Variants in SLC12A4 observed in about 807,000 individuals in gnomAD.
SLC12A4 encodes the protein solute carrier family 12 member 4.
In SLC12A4, 84 loss-of-function variants were observed where a neutral mutation model predicts 119.2. That is an observed-to-expected ratio of 0.70 (90% confidence interval 0.59 to 0.85). The LOEUF is 0.85. Ranked by LOEUF, SLC12A4 falls within the 40% of genes least tolerant of loss-of-function variation. The pLI is 0.00. For missense variants in SLC12A4, 1,298 were observed against 1,476.3 expected (o/e 0.88, Z 1.98); for synonymous variants, 599 against 604.6 (o/e 0.99, Z 0.14).
chr16:67,959,399 C>T (rs926478159), intron 3 of SLC12A4, among the ~76,000 whole-genome samples: 11 of 152,166 alleles, frequency 7.2e-5, no homozygotes, highest in Admixed American at 5.2e-4. Flanking sequence ...AGACAGTGCC[C>T]GTGCTGCCCT....
chr16:67,960,782 C>T (rs2030521301), intron 3 of SLC12A4, among the ~76,000 whole-genome samples: 1 of 151,728 alleles, frequency 6.6e-6, no homozygotes, highest in Non-Finnish European at 1.5e-5. Flanking sequence ...AAAGAGGTAA[C>T]AGTCACCCCA....
chr16:67,945,912 C>T, intron 20 of SLC12A4, 39 bp downstream of exon 20: 2 of 1,613,074 alleles, frequency 1.2e-6, no homozygotes, highest in Non-Finnish European at 1.7e-6. Flanking sequence ...CTGCACGGGA[C>T]ATGGTATCCA....
rs1394758775 is a variant in SLC12A4, at chr16:67,944,089, C to T, written c.*751G>A. Reference sequence around the variant, plus strand: ...AGCGTCACCCACTGCCATGGGGAGCCGGGCGGCCCCATTCCAGCCCTGGTG... The same window carrying T: ...AGCGTCACCCACTGCCATGGGGAGCTGGGCGGCCCCATTCCAGCCCTGGTG... On this transcript the variant is annotated 3_prime_UTR_variant, in exon 24 of 24. Transcript: ENST00000316341. This position sits in a 1 kb window ranked among gnomAD's most constrained non-coding sequence, Gnocchi z 6.6. 110 of 1,547,802 alleles carry T rather than the reference C, an allele frequency of 7.1e-5. No homozygotes were observed. The highest frequency in any genetic ancestry group is 8.8e-5 in the Non-Finnish European group (101 of 1,146,214).
intron 5 of SLC12A4, 40 bp downstream of exon 5, chr16:67,957,702 C>T (rs2030343138): frequency 6.2e-7 from 1 of 1,611,158 alleles, no homozygotes; most frequent in Non-Finnish European, 8.5e-7. Flanking sequence ...GATACTGGGT[C>T]CTTTTCTCTT....
chr16:67,954,510 G>C, intron 6 of SLC12A4, 133 bp downstream of exon 6: 1 of 1,128,662 alleles, frequency 8.9e-7, no homozygotes, highest in Non-Finnish European at 1.3e-6. Context: ...TTTGTCTCTC[G>C]AAGAGGCTTC....
chr16:67,953,427 A>T (rs1251826034), intron 6 of SLC12A4, among the ~76,000 whole-genome samples: 2 of 152,172 alleles, frequency 1.3e-5, no homozygotes, highest in Non-Finnish European at 2.9e-5. Context: ...AAGAGTACCT[A>T]AAAGAAGCCA....
Position 67,950,762 on chromosome 16 carries a change from A to C in SLC12A4, c.1397-51T>G, listed in dbSNP as rs1309436751. 6.4e-7 allele frequency: 1 copy of C among 1,573,280 alleles called. No homozygotes were observed. The highest frequency in any genetic ancestry group is 1.2e-5 in the South Asian group (1 of 86,536). ...GCCTCTGCCACCCCACTGTCCCTGA[A>C]TAGTACCACGTGCCCCCACCCCAGC... On this transcript the variant is annotated intron_variant, in intron 10 of 23. Transcript: ENST00000316341. This position sits in a 1 kb window ranked among gnomAD's most constrained non-coding sequence, Gnocchi z 4.3.
intron 5 of SLC12A4, among the ~76,000 whole-genome samples, chr16:67,956,819 CAA>C (rs1262377506): frequency 8.6e-5 from 12 of 140,126 alleles, no homozygotes; most frequent in African/African-American, 3.3e-4. Flanking sequence ...GAAATACACA[CAA>C]ACACACACAC....
chr16:67,947,842 C>G lies in SLC12A4; in HGVS notation c.1848-54G>C. On this transcript the variant is annotated intron_variant, in intron 14 of 23. Coordinates refer to ENST00000316341, the MANE Select transcript of SLC12A4 (RefSeq NM_005072.5). The stretch of plus-strand genomic sequence containing the variant: ...GCAGGACCAGGAGGACCCCTGGCCA[C>G]AGCCTGGCCCATGCCCTGGTAGCCC... The G allele has an allele frequency of 3.9e-6, 6 of 1,540,678 alleles. No individual in the cohort carries two copies. In the South Asian group the frequency reaches 7.2e-5, roughly 19 times the overall value.
chr16:67,950,203 C>G lies in SLC12A4; in HGVS notation c.1629+116G>C. The G allele has an allele frequency of 1.6e-6, 2 of 1,281,440 alleles. No homozygotes were observed. Among genetic ancestry groups the G allele is most frequent in the Non-Finnish European group, 2.1e-6 (2 of 934,322 alleles). The allele number at this position is 1,281,440 out of a possible 1,614,324, so 79.4% of individuals were successfully genotyped here. A position where few individuals can be genotyped will look rare whatever the true frequency, so the allele number is the denominator to read the frequency against. On this transcript the variant is annotated intron_variant, in intron 12 of 23. Transcript: ENST00000316341. The surrounding 1 kb of genome is among the most constrained non-coding windows in gnomAD (Gnocchi z 4.3). ...TCAGTAGCTCCTCATGGATGGCCGC[C>G]TGGCCCCGGGGGCCAATAAGGGCAG...
chr16:67,946,867 C>T, intron 17 of SLC12A4, 70 bp downstream of exon 17: 3 of 1,524,048 alleles, frequency 2.0e-6, no homozygotes, highest in Non-Finnish European at 2.7e-6. Context: ...AGACTGGGCC[C>T]TCCCCTCCGT....
chr16:67,966,453 G>A (rs1207182380), intron 1 of SLC12A4, among the ~76,000 whole-genome samples: 1 of 152,266 alleles, frequency 6.6e-6, no homozygotes, highest in African/African-American at 2.4e-5. Context: ...CCTAGGGACT[G>A]CCTGTGAGCT....
In SLC12A4 at chr16:67,946,085, G is replaced by A; in HGVS notation, c.2608-3C>T. 2.5e-6 allele frequency: 4 copies of A among 1,613,598 alleles called. No individual in the cohort carries two copies. Among genetic ancestry groups the A allele is most frequent in the Non-Finnish European group, 3.4e-6 (4 of 1,179,744 alleles). ...CGCATCCGGCACTTCCTCCAGACCT[G>A]AGGCAAGGGACCAGGTGGGCGGTTT... is the stretch of plus-strand genomic sequence containing the variant. On this transcript the variant is annotated splice_polypyrimidine_tract_variant and splice_region_variant and intron_variant, in intron 19 of 23. Coordinates refer to ENST00000316341, the MANE Select transcript of SLC12A4 (RefSeq NM_005072.5).
In SLC12A4 at chr16:67,944,977, A is replaced by G. The variant is rs941547380; in HGVS notation, c.3167-46T>C. 6.2e-7 allele frequency: 1 copy of G among 1,611,730 alleles called. No individual in the cohort carries two copies. Among genetic ancestry groups the G allele is most frequent in the Admixed American group, 1.7e-5 (1 of 59,960 alleles). On this transcript the variant is annotated intron_variant, in intron 23 of 23. Coordinates refer to ENST00000316341, the MANE Select transcript of SLC12A4 (RefSeq NM_005072.5). This position sits in a 1 kb window ranked among gnomAD's most constrained non-coding sequence, Gnocchi z 6.6. ...GAGGCAACAACAGAATCAACGGGCA[A>G]CCCGGGCCACCTGGGCCATGCCCAC...
Position 67,951,763 on chromosome 16 carries a change from G to A in SLC12A4, c.1132+60C>T, listed in dbSNP as rs565502124. ...GCTGGCCACACAAGGACAGCTCTGT[G>A]CTCTGTGCCCCTGCTCAGCCTGTGG... is the stretch of plus-strand genomic sequence containing the variant. On this transcript the variant is annotated intron_variant, in intron 8 of 23. Transcript: ENST00000316341. The surrounding 1 kb of genome is among the most constrained non-coding windows in gnomAD (Gnocchi z 5.2). 1.7e-5 allele frequency: 25 copies of A among 1,435,070 alleles called. No homozygotes were observed. The Admixed American group carries it at 2.0e-4, about 11-fold the overall frequency. 88.9% of individuals were successfully genotyped at this position (1,435,070 alleles called of 1,614,324 possible).
intron 3 of SLC12A4, 105 bp downstream of exon 3, chr16:67,961,470 C>T (rs2030561210): frequency 2.0e-6 from 3 of 1,492,396 alleles, no homozygotes; most frequent in Admixed American, 1.8e-5. Context: ...ATGCTTGGCA[C>T]CCACTTCCCC....
rs770211536 is a variant in SLC12A4, at chr16:67,945,386, C to T, written c.3015G>A (p.Glu1005=). ...DPSHAPDNFR[E]LVHIKPDQSN... is the part of the protein sequence containing the mutation. ...GCACTCACGGCTTAATGTGCACCAGCTCCCGGAAATTGTCAGGGGCATGGC... is the reference window on the plus strand; with the variant it reads ...GCACTCACGGCTTAATGTGCACCAGTTCCCGGAAATTGTCAGGGGCATGGC... Residue 1005 remains glutamate (E), a synonymous_variant, in exon 22 of 24, where the codon GAG becomes GAA. Coordinates refer to ENST00000316341, the MANE Select transcript of SLC12A4 (RefSeq NM_005072.5). 1.9e-6 allele frequency: 3 copies of T among 1,613,732 alleles called. No homozygotes were observed. The Admixed American group carries it at 5.0e-5, about 27-fold the overall frequency.
intron 6 of SLC12A4, among the ~76,000 whole-genome samples, chr16:67,953,690 T>C (rs550544994): frequency 3.9e-5 from 6 of 152,228 alleles, no homozygotes; most frequent in African/African-American, 7.2e-5. Context: ...ATGTAAATTA[T>C]ATGTTAATAA....
At chr16:67,956,069 C>T (rs1055171244) in intron 5 of SLC12A4, among the ~76,000 whole-genome samples, 5 of 151,886 alleles carry the variant, frequency 3.3e-5, no homozygotes, top group Admixed American at 6.6e-5. Context: ...CCCAGCTACT[C>T]GGGCGGCTGA....
Sources: gnomAD v4.1 joint callset for allele counts (sites outside exome capture counted in the v4.1 genomes callset) on GRCh38, gnomAD v4.1.1 for gene constraint, Gnocchi (gnomAD v3.1) non-coding constraint, MANE v1.5 for transcripts, NCBI Gene and HGNC (gene_info 2026-07-23, HGNC 2026-07-21) for gene names.